GPC5: variants seen among roughly 807,000 people sequenced by gnomAD.
GPC5 encodes glypican 5, also known as glypican-5.
In GPC5, 47 loss-of-function variants were observed where a neutral mutation model predicts 53.9. The ratio of observed to expected loss-of-function variants is 0.87; its 90% CI spans 0.69 to 1.11. The LOEUF (loss-of-function observed/expected upper bound fraction) is 1.11. Ranked by LOEUF, GPC5 falls within the 50% of genes most tolerant of loss-of-function variation. GPC5 has a pLI of 0.00. For synonymous variants in GPC5, 286 were observed against 263.3 expected, an observed-to-expected ratio of 1.09 and a Z score of -0.84; for missense variants, 748 against 713.1, an observed-to-expected ratio of 1.05 and a Z score of -0.56.
chr13:92,093,514 G>A (rs2041397442), intron 6 of GPC5, among the ~76,000 whole-genome samples: 1 of 152,092 alleles, frequency 6.6e-6, no homozygotes, highest in African/African-American at 2.4e-5. Context: ...TTTTTGTGAA[G>A]CTATGTTATC....
intron 7 of GPC5, among the ~76,000 whole-genome samples, chr13:92,208,233 T>G (rs1232629996): frequency 6.6e-6 from 1 of 152,224 alleles, no homozygotes; most frequent in Admixed American, 6.5e-5. Context: ...GGCATTGGCA[T>G]ATCTGATTTT....
intron 7 of GPC5, among the ~76,000 whole-genome samples, chr13:92,820,372 T>C (rs1877632667): frequency 6.6e-6 from 1 of 152,188 alleles, no homozygotes; most frequent in Non-Finnish European, 1.5e-5. Flanking sequence ...TCAGGTTTTG[T>C]TGTTGTTGTT....
At chr13:92,308,762 T>A (rs930799785) in intron 7 of GPC5, among the ~76,000 whole-genome samples, 14 of 152,238 alleles carry the variant, frequency 9.2e-5, no homozygotes, top group Admixed American at 2.6e-4. Context: ...CTTCTGATAT[T>A]GACTTTGGGT....
At position 92,348,331 on chromosome 13, in the gene GPC5, G is replaced by A. The variant is rs567721105; in HGVS notation, c.1561+203342G>A. On this transcript the variant is annotated intron_variant, in intron 7 of 7. Coordinates refer to ENST00000377067, the MANE Select transcript of GPC5 (RefSeq NM_004466.6). ...AAGCTCAAAAACTGAAATAGGAGAC[G>A]CATAAGAACATCATATGATAATAAA... Among the ~76,000 whole-genome samples the A allele has an allele frequency of 9.1e-4, 138 of 151,794 alleles. 2 individuals are homozygous for A. In the South Asian group the frequency reaches 0.026, roughly 29 times the overall value.
intron 2 of GPC5, among the ~76,000 whole-genome samples, chr13:91,498,322 T>C (rs181072488): frequency 6.6e-6 from 1 of 151,964 alleles, no homozygotes; most frequent in Admixed American, 6.6e-5. Context: ...TTACTTTTTG[T>C]TCTGTTGCCC....
At chr13:92,428,647 A>G (rs1305022217) in intron 7 of GPC5, among the ~76,000 whole-genome samples, 2 of 152,136 alleles carry the variant, frequency 1.3e-5, no homozygotes. Context: ...AGTTCTCTCT[A>G]GTTTACATTA....
chr13:91,931,334 A>G (rs2139032022), intron 6 of GPC5, among the ~76,000 whole-genome samples: 1 of 152,192 alleles, frequency 6.6e-6, no homozygotes, highest in Non-Finnish European at 1.5e-5. Flanking sequence ...GGTAAAAATA[A>G]TTCTATTGAA....
chr13:92,208,688 G>C (rs1175368842), intron 7 of GPC5, among the ~76,000 whole-genome samples: 1 of 152,056 alleles, frequency 6.6e-6, no homozygotes, highest in Non-Finnish European at 1.5e-5. Context: ...AAGATGAAAG[G>C]GTCGCTCTAC....
At chr13:91,903,435 G>A (rs1479903871) in intron 5 of GPC5, among the ~76,000 whole-genome samples, 1 of 152,056 alleles carries the variant, frequency 6.6e-6, no homozygotes, top group Non-Finnish European at 1.5e-5. Context: ...AGCATACGTG[G>A]GAAATGGTGG....
intron 6 of GPC5, among the ~76,000 whole-genome samples, chr13:92,038,713 GA>G: frequency 7.1e-6 from 1 of 141,180 alleles, no homozygotes; most frequent in South Asian, 2.4e-4. Context: ...TAGATAGATA[GA>G]TAGTATATAC....
At chr13:92,511,451 T>C (rs1279337226) in intron 7 of GPC5, among the ~76,000 whole-genome samples, 1 of 152,182 alleles carries the variant, frequency 6.6e-6, no homozygotes, top group Admixed American at 6.5e-5. Flanking sequence ...TGTAATTACT[T>C]TATGTTAGTT....
intron 7 of GPC5, among the ~76,000 whole-genome samples, chr13:92,746,999 T>G (rs905126204): frequency 6.6e-5 from 10 of 152,124 alleles, no homozygotes; most frequent in African/African-American, 2.4e-4. Flanking sequence ...GTTACTACAT[T>G]ACATAGCGCA....
chr13:91,610,743 A>G (rs2139304904), intron 2 of GPC5, among the ~76,000 whole-genome samples: 1 of 152,320 alleles, frequency 6.6e-6, no homozygotes, highest in East Asian at 1.9e-4. Flanking sequence ...CGAACGGTAA[A>G]TTTCTAAATT....
chr13:92,393,603 C>T (rs182209443), intron 7 of GPC5, among the ~76,000 whole-genome samples: 2 of 152,216 alleles, frequency 1.3e-5, no homozygotes, highest in Admixed American at 6.5e-5. Flanking sequence ...GACCTGAGAT[C>T]GCACCATTGC....
intron 6 of GPC5, among the ~76,000 whole-genome samples, chr13:91,915,520 C>T (rs1012799033): frequency 3.3e-5 from 5 of 151,954 alleles, no homozygotes; most frequent in African/African-American, 1.2e-4. Context: ...TTTGACTTTT[C>T]ATTTATGTGG....
intron 7 of GPC5, among the ~76,000 whole-genome samples, chr13:92,853,945 G>T (rs1440001217): frequency 1.3e-5 from 2 of 152,030 alleles, no homozygotes; most frequent in Non-Finnish European, 2.9e-5. Flanking sequence ...TAAACTTGCT[G>T]CATCTCTACA....
chr13:92,297,699 C>A (rs1476091689), intron 7 of GPC5, among the ~76,000 whole-genome samples: 4 of 152,094 alleles, frequency 2.6e-5, no homozygotes, highest in Non-Finnish European at 5.9e-5. Context: ...ACAAAACAGG[C>A]CTCTCGGCTC....
intron 6 of GPC5, among the ~76,000 whole-genome samples, chr13:91,965,088 TG>T (rs946914187): frequency 1.7e-5 from 1 of 60,032 alleles, no homozygotes; most frequent in African/African-American, 6.9e-5. Flanking sequence ...TGTCATGGGG[TG>T]GGGGGAGGGG....
chr13:91,611,796 C>T (rs767734581), intron 2 of GPC5, among the ~76,000 whole-genome samples: 4 of 152,154 alleles, frequency 2.6e-5, no homozygotes, highest in Non-Finnish European at 5.9e-5. Flanking sequence ...CATCACCTTG[C>T]CAACATTACT....
Sources: allele counts gnomAD v4.1 joint callset (sites outside exome capture counted in the v4.1 genomes callset), GRCh38; gene constraint gnomAD v4.1.1; transcripts MANE v1.5; gene names NCBI Gene and HGNC (gene_info 2026-07-23, HGNC 2026-07-21).